Variants in PCED1B observed in about 807,000 individuals in gnomAD.
PCED1B encodes PC-esterase domain containing 1B.
For synonymous variants in PCED1B, 251 were observed against 246.1 expected (o/e 1.02, Z -0.19); for missense variants, 573 against 573.9 (o/e 1.00, Z 0.02).
intron 2 of PCED1B, among the ~76,000 whole-genome samples, chr12:47,180,748 T>A (rs1325307233): frequency 6.6e-6 from 1 of 151,688 alleles, no homozygotes; most frequent in African/African-American, 2.4e-5. Flanking sequence ...AACAAATTTA[T>A]GAGAAAAAAA....
chr12:47,092,852 G>A (rs1101752), intron 1 of PCED1B, among the ~76,000 whole-genome samples: 110,988 of 151,964 alleles, frequency 0.73, 40,963 homozygotes, highest in African/African-American at 0.81. Context: ...CACTTGGACT[G>A]AACTTGCACT....
At chr12:47,136,531 A>G (rs558810270) in intron 2 of PCED1B, among the ~76,000 whole-genome samples, 1 of 152,314 alleles carries the variant, frequency 6.6e-6, no homozygotes, top group African/African-American at 2.4e-5. Flanking sequence ...GAAACCAAAT[A>G]TTCATGCCTT....
chr12:47,117,078 G>A (rs534163188), intron 2 of PCED1B, among the ~76,000 whole-genome samples: 1 of 152,254 alleles, frequency 6.6e-6, no homozygotes, highest in Admixed American at 6.5e-5. Flanking sequence ...GAGCTCCTGG[G>A]CTGAAGTGAT....
chr12:47,196,472 G>A (rs1276782534), intron 2 of PCED1B, among the ~76,000 whole-genome samples: 1 of 152,182 alleles, frequency 6.6e-6, no homozygotes, highest in Non-Finnish European at 1.5e-5. Context: ...TAAGTTTTAG[G>A]TATTATTTAG....
chr12:47,089,217 C>A (rs1351726150), intron 1 of PCED1B, among the ~76,000 whole-genome samples: 1 of 151,550 alleles, frequency 6.6e-6, no homozygotes, highest in South Asian at 2.1e-4. Flanking sequence ...CCAAGGCAGG[C>A]GGATCATGAG....
chr12:47,213,845 T>C (rs1041252277), intron 2 of PCED1B, among the ~76,000 whole-genome samples: 1 of 152,150 alleles, frequency 6.6e-6, no homozygotes, highest in African/African-American at 2.4e-5. Flanking sequence ...AGCAAGAAAA[T>C]CAGTTGAAAA....
At chr12:47,115,057 T>C (rs1939356370) in intron 2 of PCED1B, among the ~76,000 whole-genome samples, 1 of 152,192 alleles carries the variant, frequency 6.6e-6, no homozygotes, top group Non-Finnish European at 1.5e-5. Context: ...GGATGTTACC[T>C]GTTTATCTAA....
At chr12:47,126,339 T>C (rs1172709630) in intron 2 of PCED1B, among the ~76,000 whole-genome samples, 2 of 152,162 alleles carry the variant, frequency 1.3e-5, no homozygotes, top group Non-Finnish European at 2.9e-5. Context: ...AAAACTACCT[T>C]GTATTCCTGG....
chr12:47,136,779 T>C (rs1940389931), intron 2 of PCED1B, among the ~76,000 whole-genome samples: 1 of 152,094 alleles, frequency 6.6e-6, no homozygotes, highest in Non-Finnish European at 1.5e-5. Flanking sequence ...CATTATGAGA[T>C]AGTATTAGGC....
chr12:47,124,535 A>T (rs770217546), intron 2 of PCED1B, among the ~76,000 whole-genome samples: 5 of 148,626 alleles, frequency 3.4e-5, no homozygotes, highest in African/African-American at 5.0e-5. Flanking sequence ...TATACAATTG[A>T]GTTTACACTT....
chr12:47,174,733 A>C (rs1243769637), intron 2 of PCED1B, among the ~76,000 whole-genome samples: 1 of 152,184 alleles, frequency 6.6e-6, no homozygotes, highest in Non-Finnish European at 1.5e-5. Flanking sequence ...ATTTTTTTTA[A>C]GTGGTTCTCT....
At chr12:47,168,539 T>G (rs1449117269) in intron 2 of PCED1B, among the ~76,000 whole-genome samples, 1 of 152,146 alleles carries the variant, frequency 6.6e-6, no homozygotes, top group Non-Finnish European at 1.5e-5. Flanking sequence ...TCTTCACTAT[T>G]TTAATCTTTC....
rs111689536 is a variant in PCED1B, at chr12:47,178,455, T to G, written c.-525-37767T>G. 2.6e-3 allele frequency among the ~76,000 whole-genome samples: 403 copies of G among 152,264 alleles called. 1 individual carries two copies. Among genetic ancestry groups the G allele is most frequent in the African/African-American group, 9.5e-3 (396 of 41,558 alleles). The stretch of plus-strand genomic sequence containing the variant: ...TGGAGTGCTGCCTCAGGAAATTTCA[T>G]GGGCTGGTGAGGACAGATAACATCA... On this transcript the variant is annotated intron_variant, in intron 2 of 3. Transcript: ENST00000546455.
At chr12:47,118,734 A>G (rs1020342204) in intron 2 of PCED1B, among the ~76,000 whole-genome samples, 15 of 152,146 alleles carry the variant, frequency 9.9e-5, no homozygotes, top group Non-Finnish European at 1.8e-4. Context: ...GAAGAAAGTC[A>G]TTGGTAGCTT....
intron 2 of PCED1B, among the ~76,000 whole-genome samples, chr12:47,161,653 A>T (rs965492624): frequency 3.3e-5 from 5 of 152,222 alleles, no homozygotes; most frequent in Non-Finnish European, 5.9e-5. Flanking sequence ...GAACACTTTT[A>T]CACCATTGGT....
chr12:47,203,689 A>G (rs1264762230), intron 2 of PCED1B, among the ~76,000 whole-genome samples: 1 of 152,202 alleles, frequency 6.6e-6, no homozygotes, highest in Non-Finnish European at 1.5e-5. Context: ...TATATGAACC[A>G]CATTTTCATT....
intron 1 of PCED1B, among the ~76,000 whole-genome samples, chr12:47,089,461 C>CATAT (rs1217283440): frequency 0.12 from 7,371 of 62,912 alleles, 615 homozygotes; most frequent in Non-Finnish European, 0.14. Flanking sequence ...AAAAAAAATA[C>CATAT]ATATATATAT....
chr12:47,104,767 A>C (rs182458986), intron 2 of PCED1B, among the ~76,000 whole-genome samples: 59 of 152,256 alleles, frequency 3.9e-4, no homozygotes, highest in Non-Finnish European at 2.9e-4. Context: ...AATAGTCGGG[A>C]CCCAGATGAC....
chr12:47,085,675 G>A (rs977441349), intron 1 of PCED1B, among the ~76,000 whole-genome samples: 5 of 152,108 alleles, frequency 3.3e-5, no homozygotes, highest in African/African-American at 9.7e-5. Context: ...TAATTATATG[G>A]TATGCATAGA....
Sources: gnomAD v4.1 joint callset for allele counts (sites outside exome capture counted in the v4.1 genomes callset) on GRCh38, gnomAD v4.1.1 for gene constraint, MANE v1.5 for transcripts, NCBI Gene and HGNC (gene_info 2026-07-23, HGNC 2026-07-21) for gene names.